The following HDHD5 variants were observed in gnomAD, a reference collection of about 807,000 sequenced individuals.
HDHD5 encodes haloacid dehalogenase-like hydrolase domain-containing 5.
HDHD5 carries 34 observed loss-of-function variants against 35.5 expected under a neutral mutation model. That is an observed-to-expected ratio of 0.96 (90% CI 0.73 to 1.28). The LOEUF is 1.28. Ranked by LOEUF, HDHD5 falls within the 50% of genes most tolerant of loss-of-function variation. The pLI is 0.00. For missense variants in HDHD5, 589 were observed against 560.2 expected, an observed-to-expected ratio of 1.05 and a Z score of -0.52; for synonymous variants, 248 against 240.6, an observed-to-expected ratio of 1.03 and a Z score of -0.29.
intron 1 of HDHD5, among the ~76,000 whole-genome samples, chr22:17,157,012 AG>A (rs1160197046): frequency 2.6e-5 from 4 of 151,396 alleles, no homozygotes; most frequent in African/African-American, 4.9e-5. Context: ...TGGGAGGCAG[AG>A]GTTGCAGTGG....
chr22:17,153,236 T>C (rs185852666), intron 1 of HDHD5, among the ~76,000 whole-genome samples: 174 of 152,302 alleles, frequency 1.1e-3, no homozygotes, highest in South Asian at 5.8e-3. Context: ...CCTGGCAAAA[T>C]GTGCCGGTTT....
At chr22:17,157,161 T>C (rs1213839047) in intron 1 of HDHD5, among the ~76,000 whole-genome samples, 3 of 151,364 alleles carry the variant, frequency 2.0e-5, no homozygotes, top group Non-Finnish European at 4.4e-5. Flanking sequence ...ATATATTTAG[T>C]ACAGCTGTAC....
chr22:17,153,032 C>G (rs1248771953), intron 1 of HDHD5, among the ~76,000 whole-genome samples: 1 of 152,152 alleles, frequency 6.6e-6, no homozygotes, highest in Non-Finnish European at 1.5e-5. Flanking sequence ...CAAGAGAAAA[C>G]TGACCAAGCC....
At chr22:17,144,320 G>A (rs1384181553) in intron 4 of HDHD5, among the ~76,000 whole-genome samples, 1 of 151,690 alleles carries the variant, frequency 6.6e-6, no homozygotes, top group Non-Finnish European at 1.5e-5. Context: ...AGTGATCACA[G>A]CTCACTGCAG....
intron 4 of HDHD5, among the ~76,000 whole-genome samples, chr22:17,143,859 C>G (rs984466641): frequency 1.3e-5 from 2 of 152,230 alleles, no homozygotes; most frequent in African/African-American, 4.8e-5. Context: ...AAGACCTGGG[C>G]TATGTGATAC....
intron 2 of HDHD5, 152 bp downstream of exon 2, chr22:17,149,390 T>C (rs2061700326): frequency 1.4e-6 from 1 of 712,932 alleles, no homozygotes; most frequent in Non-Finnish European, 2.4e-6. Context: ...AACTGCCAAA[T>C]ACACAGGCAG....
intron 1 of HDHD5, among the ~76,000 whole-genome samples, chr22:17,152,904 C>T (rs369214153): frequency 6.6e-6 from 1 of 151,982 alleles, no homozygotes; most frequent in South Asian, 2.1e-4. Context: ...ATGAGCCCTC[C>T]AAGCTTGGAC....
Position 17,144,914 on chromosome 22 carries a change from TG to T in HDHD5, c.537+109del. The T allele has an allele frequency of 4.5e-6, 6 of 1,320,740 alleles. No individual in the cohort carries two copies. In the South Asian group the frequency reaches 5.0e-5, roughly 11 times the overall value. 81.8% of individuals were successfully genotyped at this position (1,320,740 alleles called of 1,614,324 possible). A position where few individuals can be genotyped will look rare whatever the true frequency, so the allele number is the denominator to read the frequency against. On this transcript the variant is annotated intron_variant, in intron 4 of 7. Transcript: ENST00000336737. ...AGCCAGATGTGCCTCCAAAGAAGCA[TG>T]GACAAATCACAGCTCTGCAGGAGGG...
chr22:17,148,531 G>T lies in HDHD5; in HGVS notation c.360C>A (p.His120Gln). The T allele has an allele frequency of 6.2e-7, 1 of 1,614,178 alleles. No homozygotes were observed. Residue 120 changes from histidine to glutamine, a missense_variant, in exon 3 of 8, where the codon CAC (histidine) becomes CAA (glutamine). Transcript: ENST00000336737. The stretch of plus-strand genomic sequence containing the variant: ...ACTCGGAGAAGAGCTTCATGGGGCT[G>T]TGAGAGAGGATAACTTGGTCTGCAT... The part of the protein sequence containing the change: ...EVDADQVILS[H>Q]SPMKLFSEYH...
At chr22:17,157,744 A>C (rs1209938126) in intron 1 of HDHD5, among the ~76,000 whole-genome samples, 7 of 152,196 alleles carry the variant, frequency 4.6e-5, no homozygotes, top group African/African-American at 1.7e-4. Flanking sequence ...CAAGTCACTC[A>C]GCTGCTTTGA....
chr22:17,146,386 C>T (rs1403890671), intron 3 of HDHD5, among the ~76,000 whole-genome samples: 1 of 149,196 alleles, frequency 6.7e-6, no homozygotes, highest in Non-Finnish European at 1.5e-5. Flanking sequence ...AGCTTACCGG[C>T]CTTCGATCAC....
At chr22:17,140,863 T>C (rs2123849978) in intron 6 of HDHD5, among the ~76,000 whole-genome samples, 196 bp downstream of exon 6, 1 of 152,308 alleles carries the variant, frequency 6.6e-6, no homozygotes, top group Non-Finnish European at 1.5e-5. Context: ...ATCTGTAGTT[T>C]AGGTTTAGTA....
chr22:17,148,336 G>T, intron 3 of HDHD5, 112 bp downstream of exon 3: 1 of 839,340 alleles, frequency 1.2e-6, no homozygotes, highest in Non-Finnish European at 2.0e-6. Flanking sequence ...CCACAACATC[G>T]CCTGTGTACC....
intron 1 of HDHD5, among the ~76,000 whole-genome samples, chr22:17,164,313 A>T (rs1041443439): frequency 4.6e-5 from 7 of 151,840 alleles, no homozygotes; most frequent in Admixed American, 2.0e-4. Context: ...CTGCATCTAG[A>T]TGTCTGTAAA....
intron 1 of HDHD5, among the ~76,000 whole-genome samples, chr22:17,157,317 G>C (rs1319232987): frequency 6.7e-6 from 1 of 149,348 alleles, no homozygotes; most frequent in Non-Finnish European, 1.5e-5. Context: ...GCCCGGGCTG[G>C]AGTGCAATGG....
chr22:17,159,451 G>A, upstream of HDHD5: 1 of 576,260 alleles, frequency 1.7e-6, no homozygotes, highest in Admixed American at 2.3e-5. Context: ...GCGGGGTCCC[G>A]CCGCCTCCTA....
At chr22:17,145,691 CA>C (rs58265704) in intron 3 of HDHD5, among the ~76,000 whole-genome samples, 2 of 149,194 alleles carry the variant, frequency 1.3e-5, no homozygotes, top group Non-Finnish European at 3.0e-5. Context: ...GACCCTGTCT[CA>C]AAAAAAAACA....
upstream of HDHD5, chr22:17,159,286 GCCC>G (rs746678755): frequency 2.4e-4 from 248 of 1,040,054 alleles, 1 homozygote; most frequent in East Asian, 3.8e-3. Context: ...ACGGCGTGCG[GCCC>G]CCCCCCCCCG....
chr22:17,138,277 T>A lies in HDHD5; in HGVS notation c.1016A>T (p.Glu339Val). ...CTGCCGTGTGCCCCCGGCCCCTAGT[T>A]CTGGCGCCCCATCATGCGTTGCCTT... ...LQKATHDGAPELGAGGTRQQQ... is the reference protein window; with the variant it reads ...LQKATHDGAPVLGAGGTRQQQ... Residue 339 changes from glutamate to valine, a missense_variant, in exon 8 of 8, where the codon GAA (glutamate) becomes GTA (valine). By Grantham distance (121) the Glu-to-Val change is moderately radical. Coordinates refer to ENST00000336737, the MANE Select transcript of HDHD5 (RefSeq NM_033070.3). 1 of 1,614,176 alleles carries A rather than the reference T, an allele frequency of 6.2e-7. No homozygotes were observed.
Sources: allele counts gnomAD v4.1 joint callset (sites outside exome capture counted in the v4.1 genomes callset), GRCh38; gene constraint gnomAD v4.1.1; transcripts MANE v1.5; gene names NCBI Gene and HGNC (gene_info 2026-07-23, HGNC 2026-07-21).